PTPN23: variants seen among roughly 807,000 people sequenced by gnomAD.
The protein encoded by PTPN23 is protein tyrosine phosphatase non-receptor type 23.
A neutral mutation model predicts 156.3 loss-of-function variants in PTPN23; 72 were observed. The observed-to-expected ratio is 0.46, with a 90% CI of 0.38 to 0.56. The LOEUF is 0.56. Among genes scored for constraint, PTPN23 ranks in the 20% least tolerant of loss-of-function variants. The pLI, the probability that PTPN23 is intolerant of heterozygous loss-of-function variation, is 0.00. For synonymous variants in PTPN23, 957 were observed against 899.6 expected (o/e 1.06, Z -1.14); for missense variants, 1,974 against 2,171.5 (o/e 0.91, Z 1.81).
intron 3 of PTPN23, 68 bp from the exon 4 acceptor site, chr3:47,404,937 C>G: frequency 6.2e-7 from 1 of 1,601,158 alleles, no homozygotes; most frequent in Non-Finnish European, 8.6e-7. Context: ...GGTGTTTAGT[C>G]CCCTTACCTA....
chr3:47,410,674 C>T lies in PTPN23; in HGVS notation c.2876C>T (p.Pro959Leu), dbSNP rs769894715. The T allele has an allele frequency of 1.9e-6, 3 of 1,604,490 alleles. No homozygotes were observed. Among genetic ancestry groups the T allele is most frequent in the South Asian group, 2.2e-5 (2 of 90,864 alleles). Residue 959 changes from proline to leucine, a missense_variant, in exon 20 of 25, where the codon CCT becomes CTT. By Grantham distance (98) the Pro-to-Leu change is moderately conservative. This residue lies in a region of PTPN23 where 731 missense variants were observed against 669.1 expected (regional missense o/e 1.09). Transcript: ENST00000265562. The stretch of plus-strand genomic sequence containing the variant: ...ATTGGGCCCCAGCCCCAGCCCCATC[C>T]TCAGCCCCATCCTTCACAAGCGTTT... Reference protein sequence around the residue: ...PRIGPQPQPHPQPHPSQAFGP... With the variant: ...PRIGPQPQPHLQPHPSQAFGP...
rs371405630 is a variant in PTPN23, at chr3:47,411,543, G to A, written c.3745G>A (p.Val1249Met). ...GKDDYINASC[V>M]EGLSPYCPPL... ...GGATGACTACATCAATGCCAGCTGCGTGGAGGGGCTCTCCCCATACTGCCC... is the reference window on the plus strand; with the variant it reads ...GGATGACTACATCAATGCCAGCTGCATGGAGGGGCTCTCCCCATACTGCCC... The change falls in exon 20 of 25, where the codon GTG becomes ATG. Residue 1249 changes from valine (V) to methionine (M), a missense_variant. Around this residue, in one of 4 missense-constraint regions of PTPN23, gnomAD observed 484 missense variants for 516.0 expected, o/e 0.94. Coordinates refer to ENST00000265562, the MANE Select transcript of PTPN23 (RefSeq NM_015466.4). This position sits in a 1 kb window ranked among gnomAD's most constrained non-coding sequence, Gnocchi z 6.3. The A allele has an allele frequency of 8.0e-5, 129 of 1,612,762 alleles. 1 individual carries two copies. In the Middle Eastern group the frequency reaches 1.2e-3, roughly 14 times the overall value.
Position 47,411,997 on chromosome 3 carries a change from G to T in PTPN23, c.4073+30G>T, listed in dbSNP as rs767891403. 1 of 1,605,960 alleles carries T rather than the reference G, an allele frequency of 6.2e-7. No individual in the cohort carries two copies. Among genetic ancestry groups the T allele is most frequent in the Non-Finnish European group, 8.5e-7 (1 of 1,175,450 alleles). On this transcript the variant is annotated intron_variant, in intron 21 of 24. Coordinates refer to ENST00000265562, the MANE Select transcript of PTPN23 (RefSeq NM_015466.4). The surrounding 1 kb of genome is among the most constrained non-coding windows in gnomAD (Gnocchi z 6.3). ...GTCCACTGCTCTGGATGGTGGTTGGGGGTCTAAGTGCTGTCCAGTCCTTGG... is the reference window on the plus strand; with the variant it reads ...GTCCACTGCTCTGGATGGTGGTTGGTGGTCTAAGTGCTGTCCAGTCCTTGG...
intron 1 of PTPN23, among the ~76,000 whole-genome samples, chr3:47,390,523 G>C (rs1265159245): frequency 1.3e-5 from 2 of 152,006 alleles, no homozygotes; most frequent in Non-Finnish European, 2.9e-5. Flanking sequence ...TCTGCTGCTG[G>C]GCCTGCCTTC....
At position 47,410,663 on chromosome 3, in the gene PTPN23, C is replaced by CCAGCCCCATCCT. The variant is rs760022693; in HGVS notation, c.2878_2889dup (p.Gln960_Pro963dup). ...CAGCCCCAAGGATTGGGCCCCAGCC[C>CCAGCCCCATCCT]CAGCCCCATCCTCAGCCCCATCCTT... On this transcript the variant is annotated inframe_insertion, in exon 20 of 25. Coordinates refer to ENST00000265562, the MANE Select transcript of PTPN23 (RefSeq NM_015466.4). 2.8e-5 allele frequency: 45 copies of CCAGCCCCATCCT among 1,611,382 alleles called. No homozygotes were observed. Among genetic ancestry groups the CCAGCCCCATCCT allele is most frequent in the Non-Finnish European group, 3.1e-5 (37 of 1,179,066 alleles).
At chr3:47,394,617 G>A (rs1704842124) in intron 1 of PTPN23, among the ~76,000 whole-genome samples, 1 of 152,116 alleles carries the variant, frequency 6.6e-6, no homozygotes. Flanking sequence ...GGGATTACAC[G>A]CTTGAGCCAC....
chr3:47,399,843 G>A (rs1411753784), intron 2 of PTPN23, among the ~76,000 whole-genome samples: 1 of 152,178 alleles, frequency 6.6e-6, no homozygotes, highest in East Asian at 1.9e-4. Context: ...TTTAAAGACA[G>A]AGTCTCACTC....
intron 1 of PTPN23, among the ~76,000 whole-genome samples, chr3:47,390,377 G>T (rs377380854): frequency 1.8e-4 from 20 of 109,764 alleles, no homozygotes; most frequent in Admixed American, 1.8e-3. Flanking sequence ...AGCTCTCCAC[G>T]GGTCTTCTTT....
intron 23 of PTPN23, 23 bp downstream of exon 23, chr3:47,412,444 C>T: frequency 3.1e-6 from 5 of 1,611,908 alleles, no homozygotes; most frequent in Non-Finnish European, 4.2e-6. Context: ...GCAGATGGGG[C>T]TGGGATGGGC....
At chr3:47,395,801 C>T (rs185883284) in intron 1 of PTPN23, among the ~76,000 whole-genome samples, 1 of 152,312 alleles carries the variant, frequency 6.6e-6, no homozygotes, top group East Asian at 1.9e-4. Context: ...AGGGCCCAAT[C>T]TTCTAGGGAG....
At chr3:47,408,010 TG>T in intron 14 of PTPN23, 55 bp downstream of exon 14, 3 of 1,582,234 alleles carry the variant, frequency 1.9e-6, no homozygotes, top group Non-Finnish European at 2.6e-6. Flanking sequence ...CCCGGGCCTC[TG>T]GGGGCCCCAG....
At chr3:47,387,474 G>C (rs932532743) in intron 1 of PTPN23, among the ~76,000 whole-genome samples, 2 of 151,670 alleles carry the variant, frequency 1.3e-5, no homozygotes, top group African/African-American at 4.8e-5. Context: ...TGCTACTCAG[G>C]AGGCTGAGGT....
intron 1 of PTPN23, among the ~76,000 whole-genome samples, chr3:47,394,033 C>T (rs1704828738): frequency 6.6e-6 from 1 of 152,010 alleles, no homozygotes; most frequent in Non-Finnish European, 1.5e-5. Flanking sequence ...CTTGAGCCAC[C>T]ATATCCAACC....
chr3:47,398,861 G>A (rs868141071), intron 2 of PTPN23, among the ~76,000 whole-genome samples: 6 of 152,326 alleles, frequency 3.9e-5, no homozygotes, highest in Middle Eastern at 3.4e-3. Context: ...CGCAGCACCC[G>A]GCCTTGTAAA....
intron 1 of PTPN23, among the ~76,000 whole-genome samples, chr3:47,385,265 C>T (rs752560697): frequency 2.0e-5 from 3 of 152,168 alleles, no homozygotes; most frequent in African/African-American, 4.8e-5. Flanking sequence ...ACCAGCTGTA[C>T]TTGAGCTCAA....
chr3:47,401,076 T>C (rs1300780495), intron 2 of PTPN23, among the ~76,000 whole-genome samples: 1 of 151,972 alleles, frequency 6.6e-6, no homozygotes, highest in East Asian at 1.9e-4. Flanking sequence ...CTAATTTTTG[T>C]ATTTTTAGTA....
In PTPN23 at chr3:47,411,640, A is replaced by G; in HGVS notation, c.3842A>G (p.Lys1281Arg). 6.2e-7 allele frequency: 1 copy of G among 1,610,262 alleles called. No homozygotes were observed. Among genetic ancestry groups the G allele is most frequent in the Non-Finnish European group, 8.5e-7 (1 of 1,178,404 alleles). ...ADFWLMVHEQ[K>R]VSVIVMLVSE... is the part of the protein sequence containing the mutation. ...TTCTGGCTCATGGTCCATGAGCAGA[A>G]AGTGTCAGTCATTGTCATGCTGGTT... Residue 1281 changes from lysine (K) to arginine (R), a missense_variant, in exon 20 of 25, where the codon AAA becomes AGA. Around this residue, in one of 4 missense-constraint regions of PTPN23, gnomAD observed 484 missense variants for 516.0 expected, o/e 0.94. Transcript: ENST00000265562. The surrounding 1 kb of genome is among the most constrained non-coding windows in gnomAD (Gnocchi z 6.3).
At chr3:47,404,302 T>C (rs192393352) in intron 2 of PTPN23, among the ~76,000 whole-genome samples, 242 of 152,020 alleles carry the variant, frequency 1.6e-3, no homozygotes, top group African/African-American at 5.4e-3. Flanking sequence ...CATGGTGGCG[T>C]GTGCCTGTAG....
At chr3:47,400,869 C>T (rs1370254622) in intron 2 of PTPN23, among the ~76,000 whole-genome samples, 4 of 151,916 alleles carry the variant, frequency 2.6e-5, no homozygotes, top group African/African-American at 4.8e-5. Flanking sequence ...CCACAGCACC[C>T]GGCTTTTATT....
Sources: gnomAD v4.1 joint callset for allele counts (sites outside exome capture counted in the v4.1 genomes callset) on GRCh38, gnomAD v4.1.1 for gene constraint, gnomAD v4.1.1 regional missense constraint, Gnocchi (gnomAD v3.1) non-coding constraint, MANE v1.5 for transcripts, NCBI Gene and HGNC (gene_info 2026-07-23, HGNC 2026-07-21) for gene names.